The following ZNF736 variants were observed in gnomAD, a reference collection of about 807,000 sequenced individuals.
ZNF736 encodes the protein zinc finger protein 736.
Under a neutral mutation model 11.7 loss-of-function variants are expected in ZNF736, and 6 were observed. That is an observed-to-expected ratio of 0.51 (90% CI 0.28 to 1.01). The LOEUF (loss-of-function observed/expected upper bound fraction) is 1.01. Among genes scored for constraint, ZNF736 ranks in the 50% least tolerant of loss-of-function variants. The pLI, the probability that ZNF736 is intolerant of heterozygous loss-of-function variation, is 0.09. For synonymous variants in ZNF736, 139 were observed against 164.7 expected (o/e 0.84, Z 1.19); for missense variants, 444 against 496.0 (o/e 0.90, Z 1.00).
chr7:64,326,656 AT>A (rs56310784), intron 1 of ZNF736, among the ~76,000 whole-genome samples: 139,038 of 151,384 alleles, frequency 0.92, 63,923 homozygotes, highest in Non-Finnish European at 0.94. Context: ...TTATTTGGAG[AT>A]TTTTTTTTTA....
chr7:64,318,455 A>T (rs748153176), intron 1 of ZNF736, among the ~76,000 whole-genome samples: 1 of 151,984 alleles, frequency 6.6e-6, no homozygotes, highest in Non-Finnish European at 1.5e-5. Flanking sequence ...ATTCTTAACA[A>T]TTATTTTTGT....
chr7:64,336,178 G>A (rs762349096), intron 1 of ZNF736, 81 bp from the exon 2 acceptor site: 92 of 1,500,188 alleles, frequency 6.1e-5, no homozygotes, highest in Non-Finnish European at 2.9e-5. Flanking sequence ...GTCAGAACCA[G>A]CTATCTTTAT....
intron 3 of ZNF736, among the ~76,000 whole-genome samples, chr7:64,339,924 T>C (rs751859451): frequency 8.5e-5 from 13 of 152,228 alleles, no homozygotes; most frequent in Non-Finnish European, 1.8e-4. Flanking sequence ...AATTAGCTGA[T>C]AGAATCTTCT....
rs769529425 is a variant in ZNF736, at chr7:64,344,547, A to AT, written c.227-3538dup. Among the ~76,000 whole-genome samples, 133 of 152,240 alleles carry AT rather than the reference A, an allele frequency of 8.7e-4. 1 individual carries two copies. The highest frequency in any genetic ancestry group is 1.5e-3 in the Non-Finnish European group (101 of 68,016). On this transcript the variant is annotated intron_variant, in intron 3 of 3. Transcript: ENST00000423484. The stretch of plus-strand genomic sequence containing the variant: ...TTCCATGTAAGTAGATTCATACAGT[A>AT]TTTTTGTGTGTGTGGCTGGCTTACT...
intron 1 of ZNF736, among the ~76,000 whole-genome samples, chr7:64,333,832 T>C (rs1344323130): frequency 6.6e-6 from 1 of 152,098 alleles, no homozygotes; most frequent in African/African-American, 2.4e-5. Flanking sequence ...GCCCATATAG[T>C]CAACACAGTC....
At chr7:64,321,760 G>A (rs1468439488) in intron 1 of ZNF736, among the ~76,000 whole-genome samples, 2 of 152,116 alleles carry the variant, frequency 1.3e-5, no homozygotes, top group Non-Finnish European at 2.9e-5. Flanking sequence ...GGATGGTTGG[G>A]GGTGTCCCTC....
At chr7:64,326,412 C>G (rs945323501) in intron 1 of ZNF736, among the ~76,000 whole-genome samples, 5 of 152,222 alleles carry the variant, frequency 3.3e-5, no homozygotes, top group Non-Finnish European at 7.3e-5. Context: ...TTTCAATGCA[C>G]TTGGCACCTT....
At chr7:64,318,373 T>C (rs762800576) in intron 1 of ZNF736, among the ~76,000 whole-genome samples, 5 of 151,996 alleles carry the variant, frequency 3.3e-5, no homozygotes, top group South Asian at 2.1e-4. Flanking sequence ...ACTATTTAAA[T>C]TAAACACATT....
chr7:64,323,080 C>T (rs1206406797), intron 1 of ZNF736, among the ~76,000 whole-genome samples: 6 of 152,098 alleles, frequency 3.9e-5, no homozygotes, highest in Non-Finnish European at 8.8e-5. Context: ...CAGTTTTGCT[C>T]TGCTTTTCTG....
At chr7:64,337,746 GTT>G (rs1187066176) in intron 3 of ZNF736, among the ~76,000 whole-genome samples, 61 of 79,360 alleles carry the variant, frequency 7.7e-4, no homozygotes, top group African/African-American at 2.3e-3. Context: ...GTTTTGTTTT[GTT>G]TTTTTTGGTT....
intron 1 of ZNF736, among the ~76,000 whole-genome samples, chr7:64,317,093 A>T (rs10260193): frequency 0.34 from 51,434 of 152,048 alleles, 9,363 homozygotes; most frequent in African/African-American, 0.48. Flanking sequence ...TCATTTTTTT[A>T]AAAAATTTCT....
chr7:64,316,729 G>C (rs1320512178), intron 1 of ZNF736, among the ~76,000 whole-genome samples: 1 of 149,460 alleles, frequency 6.7e-6, no homozygotes, highest in African/African-American at 2.4e-5. Context: ...TTTATCATTA[G>C]AGCTTGAAAG....
chr7:64,325,979 G>A (rs1789077865), intron 1 of ZNF736, among the ~76,000 whole-genome samples: 1 of 152,046 alleles, frequency 6.6e-6, no homozygotes. Context: ...AATTTAAGAT[G>A]AACTATATAT....
chr7:64,337,755 G>GTTTTTTTTTTTTTTTTTTTTTTTTTATT (rs147991832), intron 3 of ZNF736, among the ~76,000 whole-genome samples: 1 of 86,256 alleles, frequency 1.2e-5, no homozygotes, highest in East Asian at 4.2e-4. Context: ...TGTTTTTTTT[G>GTTTTTTTTTTTTTTTTTTTTTTTTTATT]GTTTTTTTTT....
chr7:64,317,211 T>C (rs1230050676), intron 1 of ZNF736, among the ~76,000 whole-genome samples: 1 of 152,228 alleles, frequency 6.6e-6, no homozygotes, highest in Non-Finnish European at 1.5e-5. Flanking sequence ...GATTGTCTAG[T>C]ATAATCGTAG....
At chr7:64,330,074 A>G (rs145592221) in intron 1 of ZNF736, among the ~76,000 whole-genome samples, 1 of 152,206 alleles carries the variant, frequency 6.6e-6, no homozygotes, top group East Asian at 1.9e-4. Flanking sequence ...TACTGCTGAT[A>G]TCCACTGAAG....
At chr7:64,344,175 G>A (rs1026994595) in intron 3 of ZNF736, among the ~76,000 whole-genome samples, 12 of 152,054 alleles carry the variant, frequency 7.9e-5, no homozygotes, top group African/African-American at 1.7e-4. Context: ...GGTGGTGCGC[G>A]CCTATAATCC....
intron 3 of ZNF736, among the ~76,000 whole-genome samples, chr7:64,337,749 TTTTTTGG>T (rs1258540075): frequency 1.4e-5 from 1 of 71,400 alleles, no homozygotes; most frequent in Non-Finnish European, 3.2e-5. Context: ...TTGTTTTGTT[TTTTTTGG>T]TTTTTTTTTT....
intron 1 of ZNF736, among the ~76,000 whole-genome samples, chr7:64,331,679 G>C (rs1789168964): frequency 6.6e-6 from 1 of 152,174 alleles, no homozygotes; most frequent in Non-Finnish European, 1.5e-5. Flanking sequence ...CCACATATGA[G>C]GCTAAGGTGA....
Sources: allele counts gnomAD v4.1 joint callset (sites outside exome capture counted in the v4.1 genomes callset), GRCh38; gene constraint gnomAD v4.1.1; transcripts MANE v1.5; gene names NCBI Gene and HGNC (gene_info 2026-07-23, HGNC 2026-07-21).